EDAR: variants seen among roughly 807,000 people sequenced by gnomAD.
EDAR encodes tumor necrosis factor receptor superfamily member EDAR.
EDAR carries 38 observed loss-of-function variants against 51.3 expected under a neutral mutation model. The ratio of observed to expected loss-of-function variants is 0.74; its 90% confidence interval spans 0.57 to 0.97. EDAR has a LOEUF of 0.97. Ranked by LOEUF, EDAR falls within the 50% of genes least tolerant of loss-of-function variation. The pLI, the probability that EDAR is intolerant of heterozygous loss-of-function variation, is 0.00. For missense variants in EDAR, 528 were observed against 595.0 expected (o/e 0.89, Z 1.17); for synonymous variants, 227 against 242.1 (o/e 0.94, Z 0.58).
In EDAR at chr2:108,895,483, A is replaced by G. The variant is rs1696565503; in HGVS notation, c.*1424T>C. The G allele has an allele frequency of 6.6e-6, 1 of 152,286 alleles. No homozygotes were observed. Among genetic ancestry groups the G allele is most frequent in the Non-Finnish European group, 1.5e-5 (1 of 68,040 alleles). 9.4% of individuals were successfully genotyped at this position (152,286 alleles called of 1,614,324 possible). On this transcript the variant is annotated 3_prime_UTR_variant, in exon 12 of 12. Transcript: ENST00000258443. Reference sequence around the variant, plus strand: ...TGCCAAGAACAATGCCAGTTTATTAACTTTCTGCCTATAAATGTTATGTCA... The same window carrying G: ...TGCCAAGAACAATGCCAGTTTATTAGCTTTCTGCCTATAAATGTTATGTCA...
intron 1 of EDAR, among the ~76,000 whole-genome samples, chr2:108,956,784 C>CTTTTT (rs967646109): frequency 2.2e-4 from 27 of 123,578 alleles, no homozygotes; most frequent in African/African-American, 9.8e-4. Flanking sequence ...CGAAAGCTCT[C>CTTTTT]TTTTTTTTTT....
chr2:108,978,382 C>T (rs1328050776), intron 1 of EDAR, among the ~76,000 whole-genome samples: 1 of 152,116 alleles, frequency 6.6e-6, no homozygotes, highest in African/African-American at 2.4e-5. Flanking sequence ...ACAAAAAGCT[C>T]AGTAAAAAAA....
At position 108,929,334 on chromosome 2, in the gene EDAR, A is replaced by T; in HGVS notation, c.220T>A (p.Cys74Ser). ...TKDEDYGCVP[C>S]PAEKFSKGGY... ...CCTTTGGAAAACTTCTCCGCCGGGCAGGGGACGCAGCCGTAGTCCTCGTCT... is the reference window on the plus strand; with the variant it reads ...CCTTTGGAAAACTTCTCCGCCGGGCTGGGGACGCAGCCGTAGTCCTCGTCT... Residue 74 changes from cysteine (C) to serine (S), a missense_variant, in exon 4 of 12, where the codon TGC becomes AGC. By Grantham distance (112) the Cys-to-Ser change is moderately radical. Coordinates refer to ENST00000258443, the MANE Select transcript of EDAR (RefSeq NM_022336.4). 6.2e-7 allele frequency: 1 copy of T among 1,614,122 alleles called. No individual in the cohort carries two copies. Among genetic ancestry groups the T allele is most frequent in the Non-Finnish European group, 8.5e-7 (1 of 1,180,034 alleles).
chr2:108,912,774 A>G lies in EDAR; in HGVS notation c.443-10T>C. 1 of 1,580,590 alleles carries G rather than the reference A, an allele frequency of 6.3e-7. No individual in the cohort carries two copies. The highest frequency in any genetic ancestry group is 8.6e-7 in the Non-Finnish European group (1 of 1,162,982). ...GAAGTGGCTCCCACACCTGCAAGGAAAATAGAGTCCCTCAAATGATCCAGA... is the reference window on the plus strand; with the variant it reads ...GAAGTGGCTCCCACACCTGCAAGGAGAATAGAGTCCCTCAAATGATCCAGA... On this transcript the variant is annotated splice_polypyrimidine_tract_variant and intron_variant, in intron 5 of 11. Coordinates refer to ENST00000258443, the MANE Select transcript of EDAR (RefSeq NM_022336.4).
chr2:108,945,047 A>G (rs1031711620), intron 1 of EDAR, among the ~76,000 whole-genome samples: 3 of 152,126 alleles, frequency 2.0e-5, no homozygotes, highest in Admixed American at 6.5e-5. Context: ...TCTGGCTTGC[A>G]TTGTACAGTC....
intron 9 of EDAR, 140 bp downstream of exon 9, chr2:108,910,320 G>A (rs1696893684): frequency 1.4e-6 from 1 of 697,802 alleles, no homozygotes; most frequent in Non-Finnish European, 2.5e-6. Context: ...GCAAAGAGGT[G>A]GTGGGGACTG....
Position 108,965,347 on chromosome 2 carries a change from G to C in EDAR, c.-19+23613C>G, listed in dbSNP as rs62151091. 4.9e-3 allele frequency among the ~76,000 whole-genome samples: 751 copies of C among 152,122 alleles called. 3 individuals carry two copies. Among genetic ancestry groups the C allele is most frequent in the Non-Finnish European group, 7.2e-3 (488 of 67,988 alleles). ...AAAAACAAAATTAGCTGGGCGTGGT[G>C]GTGGGTGCCTGTAGTCCCAGCTACT... On this transcript the variant is annotated intron_variant, in intron 1 of 11. Coordinates refer to ENST00000258443, the MANE Select transcript of EDAR (RefSeq NM_022336.4).
chr2:108,940,566 G>A (rs574702820), intron 1 of EDAR, among the ~76,000 whole-genome samples: 1 of 152,378 alleles, frequency 6.6e-6, no homozygotes, highest in South Asian at 2.1e-4. Flanking sequence ...GGAGGTGAGA[G>A]CAGCCAGGCT....
At chr2:108,963,273 C>T (rs181494060) in intron 1 of EDAR, among the ~76,000 whole-genome samples, 8 of 152,180 alleles carry the variant, frequency 5.3e-5, no homozygotes, top group Non-Finnish European at 8.8e-5. Context: ...AAAATGATCA[C>T]GCACTACACA....
chr2:108,987,443 G>A (rs557953758), intron 1 of EDAR, among the ~76,000 whole-genome samples: 10 of 152,226 alleles, frequency 6.6e-5, no homozygotes, highest in Non-Finnish European at 1.5e-4. Flanking sequence ...AGGCAAGAGG[G>A]TACCATGATG....
intron 1 of EDAR, among the ~76,000 whole-genome samples, chr2:108,955,451 T>C (rs1414924013): frequency 6.6e-6 from 1 of 152,188 alleles, no homozygotes; most frequent in African/African-American, 2.4e-5. Context: ...ATATATATCT[T>C]CTAAAATGAA....
At chr2:108,930,742 T>A (rs553159706) in intron 2 of EDAR, among the ~76,000 whole-genome samples, 196 of 152,230 alleles carry the variant, frequency 1.3e-3, no homozygotes, top group South Asian at 4.6e-3. Flanking sequence ...AACGTTTATA[T>A]CCATGAGACC....
In EDAR at chr2:108,929,191, T is replaced by C. The variant is rs1300299807; in HGVS notation, c.356+7A>G. ...TGCCAGGGTTTGCCAGGAGGGCCTG[T>C]GCTTACCCAGGGAGGCAAGGGCCAC... On this transcript the variant is annotated splice_region_variant and intron_variant, in intron 4 of 11. Transcript: ENST00000258443. 1.9e-6 allele frequency: 3 copies of C among 1,613,748 alleles called. No individual in the cohort carries two copies. The highest frequency in any genetic ancestry group is 2.5e-6 in the Non-Finnish European group (3 of 1,180,012).
intron 1 of EDAR, among the ~76,000 whole-genome samples, chr2:108,966,564 C>T (rs1254619657): frequency 6.6e-6 from 1 of 152,238 alleles, no homozygotes; most frequent in Non-Finnish European, 1.5e-5. Flanking sequence ...AGGTCATCTT[C>T]TGTCTGGACA....
At chr2:108,905,091 A>C (rs186940994) in intron 11 of EDAR, among the ~76,000 whole-genome samples, 1 of 152,216 alleles carries the variant, frequency 6.6e-6, no homozygotes, top group Non-Finnish European at 1.5e-5. Flanking sequence ...CCTGGGATTC[A>C]CCCCTGACTA....
At chr2:108,980,430 T>G (rs950588314) in intron 1 of EDAR, among the ~76,000 whole-genome samples, 1 of 152,166 alleles carries the variant, frequency 6.6e-6, no homozygotes, top group African/African-American at 2.4e-5. Context: ...GATTTTAAAC[T>G]AATACTTATT....
intron 1 of EDAR, among the ~76,000 whole-genome samples, chr2:108,978,621 A>G (rs1373680185): frequency 6.6e-6 from 1 of 152,230 alleles, no homozygotes; most frequent in Non-Finnish European, 1.5e-5. Flanking sequence ...ATTCATTTTA[A>G]CTATTCATAT....
chr2:108,986,920 T>C (rs553442556), intron 1 of EDAR, among the ~76,000 whole-genome samples: 1 of 152,278 alleles, frequency 6.6e-6, no homozygotes, highest in South Asian at 2.1e-4. Context: ...GTGGGCTTAA[T>C]GTAAGTTAAT....
intron 1 of EDAR, among the ~76,000 whole-genome samples, chr2:108,932,118 T>G (rs935945461): frequency 6.6e-6 from 1 of 152,218 alleles, no homozygotes; most frequent in African/African-American, 2.4e-5. Flanking sequence ...GACGAACATA[T>G]GCCATGATGC....
Sources: allele counts gnomAD v4.1 joint callset (sites outside exome capture counted in the v4.1 genomes callset), GRCh38; gene constraint gnomAD v4.1.1; transcripts MANE v1.5; gene names NCBI Gene and HGNC (gene_info 2026-07-23, HGNC 2026-07-21).